Variants in CSMD1 observed in about 807,000 individuals in gnomAD.
CSMD1 encodes the protein CUB and Sushi multiple domains 1, also known as CUB and sushi domain-containing protein 1.
In CSMD1, 213 loss-of-function variants were observed where a neutral mutation model predicts 417.5. The ratio of observed to expected loss-of-function variants is 0.51; its 90% CI spans 0.46 to 0.57. CSMD1 has a LOEUF of 0.57. Among genes scored for constraint, CSMD1 ranks in the 20% least tolerant of loss-of-function variants. CSMD1 has a pLI of 0.00. For synonymous variants in CSMD1, 2,862 were observed against 1,736.8 expected, an observed-to-expected ratio of 1.65 and a Z score of -16.11; for missense variants, 6,923 against 4,529.7, an observed-to-expected ratio of 1.53 and a Z score of -15.17.
At chr8:4,549,443 T>G (rs1334063044) in intron 2 of CSMD1, among the ~76,000 whole-genome samples, 2 of 152,218 alleles carry the variant, frequency 1.3e-5, no homozygotes, top group Non-Finnish European at 2.9e-5. Flanking sequence ...CTTTTGCTTT[T>G]TTAATTGACT....
intron 4 of CSMD1, among the ~76,000 whole-genome samples, chr8:4,024,482 C>G (rs1473801754): frequency 6.6e-6 from 1 of 152,068 alleles, no homozygotes; most frequent in African/African-American, 2.4e-5. Flanking sequence ...GGGATGAGAC[C>G]ACCCAAACTA....
At chr8:4,325,059 G>A (rs892788794) in intron 3 of CSMD1, among the ~76,000 whole-genome samples, 15 of 152,134 alleles carry the variant, frequency 9.9e-5, no homozygotes, top group African/African-American at 1.4e-4. Flanking sequence ...TTGTAGTTAC[G>A]CATCCAGTGG....
intron 7 of CSMD1, among the ~76,000 whole-genome samples, chr8:3,642,832 C>G (rs891528172): frequency 1.3e-5 from 2 of 151,586 alleles, no homozygotes; most frequent in African/African-American, 4.9e-5. Flanking sequence ...ATTATACATC[C>G]ATATTTGTGT....
intron 50 of CSMD1, among the ~76,000 whole-genome samples, chr8:3,036,277 A>C (rs760638899): frequency 2.0e-5 from 3 of 152,212 alleles, no homozygotes. Context: ...GATTACCATA[A>C]ATAAAGCCCT....
At chr8:4,277,036 C>G (rs1032418399) in intron 3 of CSMD1, among the ~76,000 whole-genome samples, 5 of 151,960 alleles carry the variant, frequency 3.3e-5, no homozygotes, top group African/African-American at 9.7e-5. Flanking sequence ...AAAAAATTAC[C>G]AGGATGCCAT....
intron 2 of CSMD1, among the ~76,000 whole-genome samples, chr8:4,615,331 C>G (rs1441892622): frequency 6.6e-6 from 1 of 152,148 alleles, no homozygotes; most frequent in Admixed American, 6.5e-5. Context: ...ACCCAGAAAA[C>G]TCTCAGACAC....
chr8:3,919,647 AC>A (rs1448763071), intron 5 of CSMD1, among the ~76,000 whole-genome samples: 10 of 152,008 alleles, frequency 6.6e-5, no homozygotes, highest in African/African-American at 2.4e-4. Flanking sequence ...AAATTTTATG[AC>A]TTTTTTTTCT....
In CSMD1 at chr8:3,003,887, CT is replaced by C. The variant is rs1807646327; in HGVS notation, c.8030-3757del. Among the ~76,000 whole-genome samples the C allele has an allele frequency of 2.6e-5, 4 of 152,296 alleles. No individual in the cohort carries two copies. The South Asian group carries it at 8.3e-4, about 32-fold the overall frequency. ...GAAATGTTATATATTTTTAAAGCAT[CT>C]GTTAAAATATGAAGACTATGATGTC... On this transcript the variant is annotated intron_variant, in intron 52 of 69. Transcript: ENST00000635120.
chr8:3,886,110 C>G (rs2627355), intron 5 of CSMD1, among the ~76,000 whole-genome samples: 113,340 of 151,898 alleles, frequency 0.75, 42,441 homozygotes, highest in Middle Eastern at 0.82. Context: ...GAGCACAGTG[C>G]TGCGATCTCA....
At chr8:3,935,626 C>A (rs144584381) in intron 5 of CSMD1, among the ~76,000 whole-genome samples, 2 of 152,032 alleles carry the variant, frequency 1.3e-5, no homozygotes, top group Non-Finnish European at 2.9e-5. Context: ...TGTTTGGGGG[C>A]CCCATATGTG....
chr8:3,547,462 A>G (rs1353931428), intron 10 of CSMD1, among the ~76,000 whole-genome samples: 1 of 152,206 alleles, frequency 6.6e-6, no homozygotes, highest in Non-Finnish European at 1.5e-5. Context: ...CAGTAGGTCA[A>G]TGATTGTCCG....
chr8:4,435,315 A>G (rs1047392445), intron 2 of CSMD1, among the ~76,000 whole-genome samples: 1 of 152,196 alleles, frequency 6.6e-6, no homozygotes, highest in Non-Finnish European at 1.5e-5. Context: ...CAAATGTGAC[A>G]CAGGTAAAAT....
intron 62 of CSMD1, among the ~76,000 whole-genome samples, chr8:2,960,905 A>T (rs1803399003): frequency 6.9e-6 from 1 of 145,486 alleles, no homozygotes; most frequent in Non-Finnish European, 1.5e-5. Flanking sequence ...TCTATATGAA[A>T]TTATGCATTA....
At chr8:3,867,679 T>G (rs1038706449) in intron 5 of CSMD1, among the ~76,000 whole-genome samples, 2 of 152,164 alleles carry the variant, frequency 1.3e-5, no homozygotes, top group Non-Finnish European at 2.9e-5. Flanking sequence ...CACAGAAACC[T>G]AGAACCATGT....
chr8:3,187,988 T>A, intron 35 of CSMD1, 23 bp from the exon 36 acceptor site: 10 of 1,596,982 alleles, frequency 6.3e-6, no homozygotes, highest in Non-Finnish European at 8.6e-6. Context: ...GACATTAAGT[T>A]AATATTTATT....
intron 2 of CSMD1, among the ~76,000 whole-genome samples, chr8:4,578,016 C>A (rs1057113955): frequency 1.3e-5 from 2 of 152,094 alleles, no homozygotes; most frequent in African/African-American, 4.8e-5. Context: ...TTGGTGGACC[C>A]AGGGCTCGGC....
intron 7 of CSMD1, among the ~76,000 whole-genome samples, chr8:3,667,155 C>T (rs1031403427): frequency 1.6e-4 from 24 of 152,120 alleles, no homozygotes; most frequent in African/African-American, 5.5e-4. Context: ...GGGGGCTGTT[C>T]TTATGGAGCT....
At chr8:4,737,017 A>C (rs1349838055) in intron 1 of CSMD1, among the ~76,000 whole-genome samples, 2 of 152,214 alleles carry the variant, frequency 1.3e-5, no homozygotes, top group African/African-American at 4.8e-5. Flanking sequence ...ACATTCTATC[A>C]TAAAGACATA....
intron 1 of CSMD1, among the ~76,000 whole-genome samples, chr8:4,783,670 C>T (rs1359745979): frequency 6.6e-6 from 1 of 152,168 alleles, no homozygotes; most frequent in Non-Finnish European, 1.5e-5. Context: ...AGGCTGAAGC[C>T]AGCCCGAAGC....
Sources: allele counts gnomAD v4.1 joint callset (sites outside exome capture counted in the v4.1 genomes callset), GRCh38; gene constraint gnomAD v4.1.1; transcripts MANE v1.5; gene names NCBI Gene and HGNC (gene_info 2026-07-23, HGNC 2026-07-21).